The following LRRTM4 variants were observed in gnomAD, a reference collection of about 807,000 sequenced individuals.
LRRTM4 encodes the protein leucine-rich repeat transmembrane neuronal protein 4.
A neutral mutation model predicts 47.6 loss-of-function variants in LRRTM4; 25 were observed. That is an observed-to-expected ratio of 0.53 (90% CI 0.38 to 0.73). LRRTM4 has a LOEUF of 0.73. Among genes scored for constraint, LRRTM4 ranks in the 30% least tolerant of loss-of-function variants. The pLI, the probability that LRRTM4 is intolerant of heterozygous loss-of-function variation, is 0.00. For synonymous variants in LRRTM4, 311 were observed against 269.5 expected (o/e 1.15, Z -1.51); for missense variants, 638 against 713.4 (o/e 0.89, Z 1.20).
At chr2:76,770,901 G>C (rs2104111850) in intron 3 of LRRTM4, among the ~76,000 whole-genome samples, 1 of 152,286 alleles carries the variant, frequency 6.6e-6, no homozygotes, top group Middle Eastern at 3.4e-3. Flanking sequence ...TGTTCCAAGA[G>C]TTCAAGTTAG....
chr2:77,049,646 TTTG>T (rs1446114257), intron 3 of LRRTM4, among the ~76,000 whole-genome samples: 4 of 151,814 alleles, frequency 2.6e-5, no homozygotes, highest in Non-Finnish European at 4.4e-5. Flanking sequence ...AATTAATTTT[TTTG>T]TTGTTGACTT....
At position 77,133,927 on chromosome 2, in the gene LRRTM4, C is replaced by T. The variant is rs114213941; in HGVS notation, c.1551+384391G>A. The stretch of plus-strand genomic sequence containing the variant: ...GAGAAATTATAAACCATTCATTATT[C>T]GAAAAAATAATAAGAAATTTTAAAA... On this transcript the variant is annotated intron_variant, in intron 3 of 3. Coordinates refer to ENST00000409884, the MANE Select transcript of LRRTM4 (RefSeq NM_001134745.3). Among the ~76,000 whole-genome samples, 1,108 of 151,814 alleles carry T rather than the reference C, an allele frequency of 7.3e-3. 12 individuals carry two copies. Among genetic ancestry groups the T allele is most frequent in the African/African-American group, 0.026 (1,061 of 41,430 alleles).
At chr2:77,337,280 A>T (rs1394554704) in intron 3 of LRRTM4, among the ~76,000 whole-genome samples, 1 of 152,148 alleles carries the variant, frequency 6.6e-6, no homozygotes, top group Non-Finnish European at 1.5e-5. Flanking sequence ...AAGGTCATTA[A>T]AATGTCCATA....
chr2:77,453,983 C>T lies in LRRTM4; in HGVS notation c.1551+64335G>A, dbSNP rs187917845. Among the ~76,000 whole-genome samples, 400 of 152,264 alleles carry T rather than the reference C, an allele frequency of 2.6e-3. 8 individuals are homozygous for T. Among genetic ancestry groups the T allele is most frequent in the Non-Finnish European group, 1.1e-3 (77 of 68,016 alleles). ...TAGCATCTGCTTACCTCTCAGATGT[C>T]AATTCGAAGTTTCTTTGAATACCTT... On this transcript the variant is annotated intron_variant, in intron 3 of 3. Coordinates refer to ENST00000409884, the MANE Select transcript of LRRTM4 (RefSeq NM_001134745.3).
At chr2:77,040,644 C>T (rs950269028) in intron 3 of LRRTM4, among the ~76,000 whole-genome samples, 31 of 151,248 alleles carry the variant, frequency 2.0e-4, no homozygotes, top group African/African-American at 3.4e-4. Context: ...TTCCAATATA[C>T]AAGGCAGAAA....
chr2:77,483,803 A>G (rs7574067), intron 3 of LRRTM4, among the ~76,000 whole-genome samples: 2,706 of 152,302 alleles, frequency 0.018, 86 homozygotes, highest in African/African-American at 0.061. Context: ...ATTAGATTTT[A>G]CTGCCACCAA....
intron 3 of LRRTM4, among the ~76,000 whole-genome samples, chr2:77,160,487 A>G (rs534162053): frequency 6.4e-4 from 91 of 141,580 alleles, no homozygotes; most frequent in Non-Finnish European, 1.2e-3. Flanking sequence ...TAGCCAAAGG[A>G]CATTGTTTAA....
At chr2:76,847,227 AT>A (rs56762287) in intron 3 of LRRTM4, among the ~76,000 whole-genome samples, 4,337 of 152,210 alleles carry the variant, frequency 0.028, 190 homozygotes, top group African/African-American at 0.099. Flanking sequence ...CTCTCAACAT[AT>A]TTGCAACCCA....
intron 3 of LRRTM4, among the ~76,000 whole-genome samples, chr2:76,908,156 G>A (rs1402515835): frequency 6.7e-6 from 1 of 149,006 alleles, no homozygotes; most frequent in African/African-American, 2.5e-5. Flanking sequence ...TGATCAAGTG[G>A]GCTTCATCCC....
At chr2:76,972,060 C>A (rs1170626947) in intron 3 of LRRTM4, among the ~76,000 whole-genome samples, 1 of 151,918 alleles carries the variant, frequency 6.6e-6, no homozygotes, top group African/African-American at 2.4e-5. Flanking sequence ...AGTACTAGAA[C>A]CTGGTTGTTT....
chr2:77,236,605 C>A (rs1437874125), intron 3 of LRRTM4, among the ~76,000 whole-genome samples: 1 of 151,814 alleles, frequency 6.6e-6, no homozygotes, highest in Non-Finnish European at 1.5e-5. Flanking sequence ...CATATAAGTT[C>A]TCAAGGGGAA....
At chr2:77,127,063 C>T (rs544284570) in intron 3 of LRRTM4, among the ~76,000 whole-genome samples, 4 of 152,168 alleles carry the variant, frequency 2.6e-5, no homozygotes, top group East Asian at 3.9e-4. Context: ...TTTTTTTATC[C>T]TCTAAATATA....
At chr2:77,156,512 A>G (rs1472708333) in intron 3 of LRRTM4, among the ~76,000 whole-genome samples, 2 of 152,104 alleles carry the variant, frequency 1.3e-5, no homozygotes, top group East Asian at 1.9e-4. Context: ...TAAAAGGGAC[A>G]TTAAGTTTAA....
At chr2:77,185,218 A>G (rs1304352206) in intron 3 of LRRTM4, among the ~76,000 whole-genome samples, 1 of 152,126 alleles carries the variant, frequency 6.6e-6, no homozygotes, top group Non-Finnish European at 1.5e-5. Flanking sequence ...TCAATTCCAC[A>G]TGTTCTGGTC....
At chr2:76,766,498 C>G (rs770511294) in intron 3 of LRRTM4, among the ~76,000 whole-genome samples, 4 of 152,110 alleles carry the variant, frequency 2.6e-5, no homozygotes, top group African/African-American at 9.7e-5. Flanking sequence ...AACCTTTTAC[C>G]CCTTCAGTTC....
chr2:77,245,517 CAA>C (rs770133274), intron 3 of LRRTM4, among the ~76,000 whole-genome samples: 1,044 of 86,456 alleles, frequency 0.012, 5 homozygotes, highest in African/African-American at 0.03. Context: ...GACACTGCCT[CAA>C]AAAAAAAAAA....
intron 3 of LRRTM4, among the ~76,000 whole-genome samples, chr2:77,219,873 C>A (rs1028741797): frequency 1.4e-4 from 21 of 152,254 alleles, no homozygotes; most frequent in African/African-American, 4.8e-4. Flanking sequence ...TCTCCCAGCA[C>A]ACAGCTTGAG....
chr2:77,115,505 G>A (rs1671365696), intron 3 of LRRTM4, among the ~76,000 whole-genome samples: 1 of 152,142 alleles, frequency 6.6e-6, no homozygotes, highest in Non-Finnish European at 1.5e-5. Flanking sequence ...GTATTAATTT[G>A]GGGAACTGAT....
At chr2:76,872,399 G>A (rs1672648792) in intron 3 of LRRTM4, among the ~76,000 whole-genome samples, 1 of 151,964 alleles carries the variant, frequency 6.6e-6, no homozygotes, top group African/African-American at 2.4e-5. Flanking sequence ...TTCTTTGAGT[G>A]CTACTCCCTA....
Sources: allele counts gnomAD v4.1 joint callset (sites outside exome capture counted in the v4.1 genomes callset), GRCh38; gene constraint gnomAD v4.1.1; transcripts MANE v1.5; gene names NCBI Gene and HGNC (gene_info 2026-07-23, HGNC 2026-07-21).